Variants in BANK1 observed in about 807,000 individuals in gnomAD.
BANK1 encodes the protein B-cell scaffold protein with ankyrin repeats.
Under a neutral mutation model 94.5 loss-of-function variants are expected in BANK1, and 95 were observed. The observed-to-expected ratio is 1.00, with a 90% CI of 0.85 to 1.19. The LOEUF (loss-of-function observed/expected upper bound fraction) is 1.19. BANK1 is among the 50% of genes most tolerant of loss of function. The probability of loss-of-function intolerance (pLI) is 0.00; values close to 1 mark genes in which losing one functional copy is unlikely to be tolerated. For missense variants in BANK1, 987 were observed against 932.2 expected (o/e 1.06, Z -0.77); for synonymous variants, 334 against 308.4 (o/e 1.08, Z -0.87).
At chr4:101,895,497 A>G in intron 6 of BANK1, 87 bp downstream of exon 6, 1 of 768,790 alleles carries the variant, frequency 1.3e-6, no homozygotes, top group Non-Finnish European at 2.2e-6. Flanking sequence ...CCAAAAATAT[A>G]GGTAGCTGCA....
rs1445634202 is a variant in BANK1 at position 101,862,071 on chromosome 4, AGATC to A, written c.625-454_625-451del. On this transcript the variant is annotated intron_variant, in intron 3 of 16. Coordinates refer to ENST00000322953, the MANE Select transcript of BANK1 (RefSeq NM_017935.5). ...AAAGTCATTATATTTAAATTGTAAGAGATCTTAAACTTTTTCAATTCTATCATTT... is the reference window on the plus strand; with the variant it reads ...AAAGTCATTATATTTAAATTGTAAGATTAAACTTTTTCAATTCTATCATTT... Among the ~76,000 whole-genome samples, 6 of 152,126 alleles carry A rather than the reference AGATC, an allele frequency of 3.9e-5. No individual in the cohort carries two copies. In the East Asian group the frequency reaches 9.6e-4, roughly 24 times the overall value.
chr4:101,931,685 A>G (rs1288901518), intron 7 of BANK1, among the ~76,000 whole-genome samples: 1 of 151,564 alleles, frequency 6.6e-6, no homozygotes, highest in East Asian at 1.9e-4. Context: ...TTTGATTTTA[A>G]ATCTCTATGA....
At chr4:102,012,447 A>G (rs1726541846) in intron 7 of BANK1, among the ~76,000 whole-genome samples, 1 of 152,154 alleles carries the variant, frequency 6.6e-6, no homozygotes, top group African/African-American at 2.4e-5. Flanking sequence ...TATTCCAGCC[A>G]TATGAACACC....
intron 7 of BANK1, among the ~76,000 whole-genome samples, chr4:101,998,757 C>G (rs1725963834): frequency 6.6e-6 from 1 of 152,048 alleles, no homozygotes; most frequent in African/African-American, 2.4e-5. Flanking sequence ...TATTGTGATG[C>G]CACAAAAGCA....
At chr4:101,971,716 T>C (rs2148923343) in intron 7 of BANK1, among the ~76,000 whole-genome samples, 2 of 152,242 alleles carry the variant, frequency 1.3e-5, no homozygotes, top group South Asian at 4.1e-4. Flanking sequence ...CATCCAGTTT[T>C]CCCAAAACCA....
At chr4:101,994,264 G>C (rs1203730842) in intron 7 of BANK1, among the ~76,000 whole-genome samples, 2 of 152,180 alleles carry the variant, frequency 1.3e-5, no homozygotes, top group African/African-American at 4.8e-5. Flanking sequence ...GCAGTGTACA[G>C]TATTTAGAGC....
chr4:102,019,427 G>A (rs1002232164), intron 7 of BANK1, among the ~76,000 whole-genome samples: 3 of 152,132 alleles, frequency 2.0e-5, no homozygotes, highest in African/African-American at 7.2e-5. Flanking sequence ...TATGTGTCTT[G>A]CTTACATTAT....
In BANK1 at chr4:101,856,067, A is replaced by T. The variant is rs1283037433; in HGVS notation, c.624+878A>T. ...GAGCGTTATGGGAGTTGCCTGAAGG[A>T]GTCTTTCTGATAGAAGCCAGTGACA... On this transcript the variant is annotated intron_variant, in intron 3 of 16. Transcript: ENST00000322953. Among the ~76,000 whole-genome samples, 3 of 152,264 alleles carry T rather than the reference A, an allele frequency of 2.0e-5. No homozygotes were observed. In the East Asian group the frequency reaches 5.8e-4, roughly 29 times the overall value.
chr4:102,006,164 A>G (rs539426211), intron 7 of BANK1, among the ~76,000 whole-genome samples: 5 of 152,148 alleles, frequency 3.3e-5, no homozygotes, highest in African/African-American at 1.2e-4. Flanking sequence ...CAACCCAAAG[A>G]AACAGATGAA....
At chr4:102,007,146 T>TTATATATATA (rs376933355) in intron 7 of BANK1, among the ~76,000 whole-genome samples, 25 of 38,060 alleles carry the variant, frequency 6.6e-4, no homozygotes, top group African/African-American at 1.4e-3. Flanking sequence ...AAAATATATT[T>TTATATATATA]TATATATATA....
chr4:101,924,579 C>A (rs1723095353), intron 7 of BANK1, among the ~76,000 whole-genome samples: 1 of 151,756 alleles, frequency 6.6e-6, no homozygotes, highest in Admixed American at 6.6e-5. Context: ...GCAGTATAAT[C>A]ATTTGGCGGT....
chr4:101,879,513 A>C (rs1273896374), intron 5 of BANK1, among the ~76,000 whole-genome samples: 1 of 152,104 alleles, frequency 6.6e-6, no homozygotes, highest in East Asian at 1.9e-4. Context: ...ATTATAGCAA[A>C]TACTTAAAGA....
chr4:102,052,154 T>C (rs1248098905), intron 11 of BANK1, among the ~76,000 whole-genome samples: 1 of 146,326 alleles, frequency 6.8e-6, no homozygotes, highest in East Asian at 2.0e-4. Flanking sequence ...AGTCTCGCTC[T>C]GTTGCCAGGC....
At chr4:101,989,695 G>C (rs931835360) in intron 7 of BANK1, among the ~76,000 whole-genome samples, 2 of 151,144 alleles carry the variant, frequency 1.3e-5, no homozygotes, top group African/African-American at 4.9e-5. Flanking sequence ...TAGTTACTCT[G>C]TATAGACAGC....
intron 9 of BANK1, among the ~76,000 whole-genome samples, chr4:102,027,305 C>T (rs1314470940): frequency 1.3e-5 from 2 of 152,062 alleles, no homozygotes; most frequent in Non-Finnish European, 2.9e-5. Flanking sequence ...AGGTCTAAAA[C>T]GACTCTATCA....
chr4:101,894,120 A>C (rs1721976597), intron 5 of BANK1, among the ~76,000 whole-genome samples: 1 of 151,956 alleles, frequency 6.6e-6, no homozygotes, highest in Non-Finnish European at 1.5e-5. Context: ...TGCCCACCCT[A>C]CACCTAACTC....
At chr4:101,914,468 C>T (rs1284175353) in intron 6 of BANK1, among the ~76,000 whole-genome samples, 1 of 152,086 alleles carries the variant, frequency 6.6e-6, no homozygotes, top group Non-Finnish European at 1.5e-5. Flanking sequence ...TTTGAACTCC[C>T]TCTCCAAAAT....
intron 7 of BANK1, among the ~76,000 whole-genome samples, chr4:101,961,721 C>G (rs995345435): frequency 6.6e-6 from 1 of 152,076 alleles, no homozygotes. Context: ...AGAAATGTAT[C>G]TCATATCATT....
At chr4:101,963,980 T>C (rs1724660233) in intron 7 of BANK1, among the ~76,000 whole-genome samples, 1 of 152,106 alleles carries the variant, frequency 6.6e-6, no homozygotes, top group Non-Finnish European at 1.5e-5. Flanking sequence ...ACAGCTCCAA[T>C]AGCATTTTTT....
Sources: allele counts gnomAD v4.1 joint callset (sites outside exome capture counted in the v4.1 genomes callset), GRCh38; gene constraint gnomAD v4.1.1; transcripts MANE v1.5; gene names NCBI Gene and HGNC (gene_info 2026-07-23, HGNC 2026-07-21).